The following TMPRSS15 variants were observed in gnomAD, a reference collection of about 807,000 sequenced individuals.
TMPRSS15 encodes the protein transmembrane serine protease 15, also known as enteropeptidase.
A neutral mutation model predicts 125.3 loss-of-function variants in TMPRSS15; 128 were observed. The observed-to-expected ratio is 1.02, with a 90% CI of 0.89 to 1.18. The LOEUF is 1.18. Among genes scored for constraint, TMPRSS15 ranks in the 50% most tolerant of loss-of-function variants. The probability of loss-of-function intolerance (pLI) is 0.00; values close to 1 mark genes in which losing one functional copy is unlikely to be tolerated. For synonymous variants in TMPRSS15, 446 were observed against 423.2 expected (o/e 1.05, Z -0.66); for missense variants, 1,283 against 1,212.7 (o/e 1.06, Z -0.86).
intron 22 of TMPRSS15, among the ~76,000 whole-genome samples, chr21:18,280,586 A>AAAACAAACAAAC (rs1555890683): frequency 1.1e-4 from 16 of 149,080 alleles, no homozygotes; most frequent in African/African-American, 4.1e-4. Flanking sequence ...AAAAAAAAAA[A>AAAACAAACAAAC]AAAAAAAAAC....
At chr21:18,464,798 C>A (rs2122954908) in intron 1 of TMPRSS15, among the ~76,000 whole-genome samples, 1 of 152,134 alleles carries the variant, frequency 6.6e-6, no homozygotes, top group Non-Finnish European at 1.5e-5. Flanking sequence ...AGCCCAGGAC[C>A]AGATGGATTC....
At chr21:18,453,162 T>G (rs1249453356) in intron 1 of TMPRSS15, among the ~76,000 whole-genome samples, 2 of 152,236 alleles carry the variant, frequency 1.3e-5, no homozygotes, top group East Asian at 3.8e-4. Context: ...GATTTTTTTG[T>G]ATTGATGTGT....
intron 18 of TMPRSS15, among the ~76,000 whole-genome samples, chr21:18,300,727 TA>T (rs2074962616): frequency 1.3e-5 from 2 of 152,336 alleles, no homozygotes; most frequent in African/African-American, 4.8e-5. Flanking sequence ...TATTTGTAAA[TA>T]TTTTTTAAGC....
At chr21:18,457,681 C>T (rs1438438590) in intron 1 of TMPRSS15, among the ~76,000 whole-genome samples, 2 of 152,062 alleles carry the variant, frequency 1.3e-5, no homozygotes, top group Admixed American at 6.6e-5. Context: ...AAGAAATGGG[C>T]TCCCACTTCT....
chr21:18,357,400 G>GA (rs202065348), intron 8 of TMPRSS15, among the ~76,000 whole-genome samples: 1 of 151,590 alleles, frequency 6.6e-6, no homozygotes, highest in African/African-American at 2.4e-5. Context: ...TAAAATGATG[G>GA]AAAAAAATGC....
At chr21:18,342,000 G>T (rs962664584) in intron 12 of TMPRSS15, among the ~76,000 whole-genome samples, 3 of 152,144 alleles carry the variant, frequency 2.0e-5, no homozygotes, top group African/African-American at 7.2e-5. Context: ...ACACACTGGG[G>T]GTGAAGGGGA....
chr21:18,291,700 T>C (rs2074837344), intron 21 of TMPRSS15, among the ~76,000 whole-genome samples: 1 of 152,182 alleles, frequency 6.6e-6, no homozygotes, highest in Non-Finnish European at 1.5e-5. Context: ...TATCAGAAAC[T>C]TTCTTTGTTA....
intron 22 of TMPRSS15, among the ~76,000 whole-genome samples, chr21:18,280,103 A>G (rs1462796985): frequency 1.3e-5 from 2 of 152,198 alleles, no homozygotes; most frequent in African/African-American, 4.8e-5. Flanking sequence ...AAACACAGAG[A>G]TGGCAGCACT....
chr21:18,424,962 T>C (rs1401808443), intron 1 of TMPRSS15, among the ~76,000 whole-genome samples: 1 of 149,190 alleles, frequency 6.7e-6, no homozygotes, highest in East Asian at 1.9e-4. Flanking sequence ...AATTCATATG[T>C]ATGAATACAT....
Position 18,359,775 on chromosome 21 carries a change from A to C in TMPRSS15, c.862T>G (p.Ser288Ala), listed in dbSNP as rs368602174. The change falls in exon 8 of 25, where the codon TCA becomes GCA. Residue 288 changes from serine (S) to alanine (A), a missense_variant. Coordinates refer to ENST00000284885, the MANE Select transcript of TMPRSS15 (RefSeq NM_002772.3). ...DILDIYEGVG[S>A]SKILRASIWE... ...AACTTACCTCTTAAAATCTTGCTTG[A>C]TCCTACACCTTCATAAATATCTAAT... 3.5e-6 allele frequency: 5 copies of C among 1,441,894 alleles called. No homozygotes were observed. The highest frequency in any genetic ancestry group is 4.9e-6 in the Non-Finnish European group (5 of 1,026,492). The allele number at this position is 1,441,894 out of a possible 1,614,324, so 89.3% of individuals were successfully genotyped here.
intron 1 of TMPRSS15, among the ~76,000 whole-genome samples, chr21:18,441,621 AAAAG>A (rs1173817688): frequency 1.9e-4 from 27 of 141,258 alleles, no homozygotes; most frequent in African/African-American, 6.8e-4. Context: ...AAAAAAAAAA[AAAAG>A]AAAGAAAAGA....
At chr21:18,400,753 T>C (rs574944507) in intron 1 of TMPRSS15, among the ~76,000 whole-genome samples, 1 of 152,256 alleles carries the variant, frequency 6.6e-6, no homozygotes, top group South Asian at 2.1e-4. Context: ...CTAAAGATCT[T>C]CTGCACTGCA....
chr21:18,380,872 T>C (rs1029910118), intron 4 of TMPRSS15, among the ~76,000 whole-genome samples: 5 of 152,162 alleles, frequency 3.3e-5, no homozygotes, highest in Non-Finnish European at 4.4e-5. Context: ...TATAGAATAA[T>C]TTACATTTGA....
intron 1 of TMPRSS15, among the ~76,000 whole-genome samples, chr21:18,435,394 G>T (rs1439354345): frequency 6.6e-6 from 1 of 152,100 alleles, no homozygotes; most frequent in Non-Finnish European, 1.5e-5. Flanking sequence ...ATAATCATGT[G>T]GCTTTTGTCT....
Position 18,341,525 on chromosome 21 carries a change from G to A in TMPRSS15, c.1452C>T (p.Asn484=), listed in dbSNP as rs757326873. 1.4e-5 allele frequency: 22 copies of A among 1,613,902 alleles called. No homozygotes were observed. The highest frequency in any genetic ancestry group is 1.9e-5 in the Non-Finnish European group (22 of 1,179,940). The change falls in exon 13 of 25, where the codon AAC becomes AAT. Residue 484 remains asparagine (N), a synonymous_variant. Transcript: ENST00000284885. The stretch of plus-strand genomic sequence containing the variant: ...CCAACGCAATATCACTCAGGATCTT[G>A]TTTTTAAAAGCATTAAAAGCAACCT... ...KFKVAFNAFK[N]KILSDIALDD...
intron 16 of TMPRSS15, among the ~76,000 whole-genome samples, chr21:18,319,708 C>T (rs905530329): frequency 5.3e-5 from 8 of 152,288 alleles, no homozygotes; most frequent in Admixed American, 2.0e-4. Context: ...GGATTACAGG[C>T]GTGAGCCACC....
At chr21:18,454,289 C>T (rs756809761) in intron 1 of TMPRSS15, among the ~76,000 whole-genome samples, 4 of 152,036 alleles carry the variant, frequency 2.6e-5, no homozygotes, top group Non-Finnish European at 4.4e-5. Flanking sequence ...TACACTGATG[C>T]GATGTTTCCT....
At chr21:18,433,018 C>T (rs2123215001) in intron 1 of TMPRSS15, among the ~76,000 whole-genome samples, 1 of 152,070 alleles carries the variant, frequency 6.6e-6, no homozygotes, top group Non-Finnish European at 1.5e-5. Context: ...TGTATCATGG[C>T]AAAAAATTGA....
intron 3 of TMPRSS15, among the ~76,000 whole-genome samples, chr21:18,394,701 G>C (rs2076018945): frequency 6.6e-6 from 1 of 151,674 alleles, no homozygotes; most frequent in South Asian, 2.1e-4. Flanking sequence ...ACAACAATGA[G>C]GTCATTATGA....
Sources: allele counts gnomAD v4.1 joint callset (sites outside exome capture counted in the v4.1 genomes callset), GRCh38; gene constraint gnomAD v4.1.1; transcripts MANE v1.5; gene names NCBI Gene and HGNC (gene_info 2026-07-23, HGNC 2026-07-21).